ZC3H7A: variants seen among roughly 807,000 people sequenced by gnomAD.
ZC3H7A encodes the protein zinc finger CCCH-type containing 7A.
In ZC3H7A, 44 loss-of-function variants were observed where a neutral mutation model predicts 125.5. The observed-to-expected ratio is 0.35, with a 90% CI of 0.28 to 0.45. ZC3H7A has a LOEUF of 0.45. Among genes scored for constraint, ZC3H7A ranks in the 20% least tolerant of loss-of-function variants. The pLI, the probability that ZC3H7A is intolerant of heterozygous loss-of-function variation, is 1.00. For missense variants in ZC3H7A, 977 were observed against 1,170.7 expected (o/e 0.83, Z 2.41); for synonymous variants, 399 against 391.2 (o/e 1.02, Z -0.23).
chr16:11,785,021 G>T (rs1262111719), intron 1 of ZC3H7A, among the ~76,000 whole-genome samples: 4 of 151,846 alleles, frequency 2.6e-5, no homozygotes, highest in African/African-American at 9.7e-5. Flanking sequence ...AGCCGGGCGT[G>T]GTGGCACATG....
At chr16:11,791,589 C>T (rs768766212) in intron 1 of ZC3H7A, among the ~76,000 whole-genome samples, 5 of 152,164 alleles carry the variant, frequency 3.3e-5, no homozygotes, top group African/African-American at 4.8e-5. Context: ...GTAAGCAGCC[C>T]AGTGTAAAGA....
intron 1 of ZC3H7A, among the ~76,000 whole-genome samples, chr16:11,786,610 G>T (rs955212516): frequency 6.6e-6 from 1 of 152,160 alleles, no homozygotes; most frequent in African/African-American, 2.4e-5. Flanking sequence ...AATGGATACA[G>T]ACGTTTTTAA....
At chr16:11,786,021 T>C (rs948822365) in intron 1 of ZC3H7A, among the ~76,000 whole-genome samples, 2 of 152,342 alleles carry the variant, frequency 1.3e-5, no homozygotes, top group East Asian at 3.9e-4. Context: ...ACAGCAGTAG[T>C]AGAAGACTGA....
At chr16:11,790,003 C>T (rs183663791) in intron 1 of ZC3H7A, among the ~76,000 whole-genome samples, 8 of 148,444 alleles carry the variant, frequency 5.4e-5, no homozygotes, top group East Asian at 4.0e-4. Context: ...ATAGCTAGAA[C>T]CCGGGAGGTG....
chr16:11,791,254 C>G (rs1175437072), intron 1 of ZC3H7A, among the ~76,000 whole-genome samples: 1 of 152,070 alleles, frequency 6.6e-6, no homozygotes, highest in Non-Finnish European at 1.5e-5. Context: ...CTGCCTCCCC[C>G]AGCTTCACAC....
intron 13 of ZC3H7A, among the ~76,000 whole-genome samples, chr16:11,766,872 G>C (rs1056948489): frequency 2.0e-5 from 3 of 152,138 alleles, no homozygotes; most frequent in Non-Finnish European, 4.4e-5. Flanking sequence ...GACAGAATGA[G>C]ACTCTGTCTC....
In ZC3H7A at chr16:11,774,968, G is replaced by A. The variant is rs764236221; in HGVS notation, c.619+12C>T. 1 of 1,614,000 alleles carries A rather than the reference G, an allele frequency of 6.2e-7. No individual in the cohort carries two copies. Among genetic ancestry groups the A allele is most frequent in the South Asian group, 1.1e-5 (1 of 91,074 alleles). On this transcript the variant is annotated intron_variant, in intron 8 of 22. Coordinates refer to ENST00000355758, the MANE Select transcript of ZC3H7A (RefSeq NM_014153.4). ...ACTATTCAAATTGTTAAGATGATAT[G>A]TGAAAACATACCTGGCTCAATATCT...
At chr16:11,767,636 A>G (rs1010475395) in intron 12 of ZC3H7A, 58 bp from the exon 13 acceptor site, 1 of 1,459,724 alleles carries the variant, frequency 6.9e-7, no homozygotes, top group Non-Finnish European at 9.1e-7. Flanking sequence ...TTCATTTTAC[A>G]GGTAAATTTA....
Position 11,765,101 on chromosome 16 carries a change from G to C in ZC3H7A, c.1772C>G (p.Ser591Cys), listed in dbSNP as rs1354592214. ...TGTAACCGGGTGAGAACAAGCAGTA[G>C]AATTATCTTTATTTCTTTTACTTAT... The part of the protein sequence containing the change: ...RMISKRNKDN[S>C]TACSHPVTKH... The change falls in exon 15 of 23, where the codon TCT becomes TGT. Residue 591 changes from serine (S) to cysteine (C), a missense_variant. Transcript: ENST00000355758. This position sits in a 1 kb window ranked among gnomAD's most constrained non-coding sequence, Gnocchi z 4.8. 3.8e-6 allele frequency: 6 copies of C among 1,591,854 alleles called. No individual in the cohort carries two copies. In the African/African-American group the frequency reaches 8.2e-5, roughly 22 times the overall value.
chr16:11,780,577 C>T (rs976864225), intron 3 of ZC3H7A, among the ~76,000 whole-genome samples: 1 of 152,136 alleles, frequency 6.6e-6, no homozygotes, highest in Non-Finnish European at 1.5e-5. Flanking sequence ...TAACAAAACT[C>T]GTGACATGCC....
Position 11,761,910 on chromosome 16 carries a change from G to A in ZC3H7A, c.2213C>T (p.Ser738Leu), listed in dbSNP as rs138595814. 80 of 1,611,556 alleles carry A rather than the reference G, an allele frequency of 5.0e-5. No homozygotes were observed. The highest frequency in any genetic ancestry group is 3.9e-4 in the African/African-American group (29 of 74,818). ...RKYCSAKARHSWTKDRRAMRV... is the reference protein window; with the variant it reads ...RKYCSAKARHLWTKDRRAMRV... ...AATTGTTTCCACACACAATACTTAC[G>A]AATGCCTTGCTTTTGCACTACAATA... Residue 738 changes from serine (S) to leucine (L), a missense_variant and splice_region_variant, in exon 18 of 23, where the codon TCG (serine) becomes TTG (leucine). This residue lies in a region of ZC3H7A where 436 missense variants were observed against 603.2 expected (regional missense o/e 0.72). Transcript: ENST00000355758.
At chr16:11,783,925 A>C (rs1342273809) in intron 1 of ZC3H7A, among the ~76,000 whole-genome samples, 1 of 151,900 alleles carries the variant, frequency 6.6e-6, no homozygotes, top group Non-Finnish European at 1.5e-5. Context: ...AAGTGTTTAC[A>C]TGGGAAAGGA....
chr16:11,775,301 G>A (rs1487578941), intron 7 of ZC3H7A, among the ~76,000 whole-genome samples: 2 of 151,928 alleles, frequency 1.3e-5, no homozygotes, highest in Non-Finnish European at 2.9e-5. Flanking sequence ...AACCCGGGAG[G>A]TGGAGGCTGC....
At chr16:11,760,385 TC>T (rs2052733626) in intron 19 of ZC3H7A, among the ~76,000 whole-genome samples, 1 of 152,048 alleles carries the variant, frequency 6.6e-6, no homozygotes, top group Non-Finnish European at 1.5e-5. Flanking sequence ...TAAACCCCTT[TC>T]CCCCTCCTAC....
chr16:11,796,059 C>T (rs547994212), intron 1 of ZC3H7A, among the ~76,000 whole-genome samples: 2 of 152,290 alleles, frequency 1.3e-5, no homozygotes, highest in Non-Finnish European at 2.9e-5. Context: ...TCTTGAACTC[C>T]TGCACTCAAA....
intron 21 of ZC3H7A, 67 bp downstream of exon 21, chr16:11,756,165 AAAAAG>A (rs750341461): frequency 8.4e-6 from 13 of 1,550,636 alleles, no homozygotes; most frequent in Non-Finnish European, 1.1e-5. Context: ...CCATCTCAAA[AAAAAG>A]AAAAGGGAAA....
chr16:11,768,242 T>G, intron 12 of ZC3H7A, 73 bp downstream of exon 12: 1 of 1,312,978 alleles, frequency 7.6e-7, no homozygotes, highest in Non-Finnish European at 1.0e-6. Context: ...AACATGTATT[T>G]ACAAATTCCT....
At position 11,752,758 on chromosome 16, in the gene ZC3H7A, C is replaced by T. The variant is rs765178357; in HGVS notation, c.2637G>A (p.Glu879=). The change falls in exon 22 of 23, where the codon GAG becomes GAA. Residue 879 remains glutamate, a synonymous_variant. Transcript: ENST00000355758. ...TGTGGAAAACCTTCTCTTTGTGCTT[C>T]TCGGAGGAGATGTGGCCCTGCCACT... ...EKQWQGHISS[E]KHKEKVFHTE... The T allele has an allele frequency of 4.3e-6, 7 of 1,614,056 alleles. No homozygotes were observed. The East Asian group carries it at 1.6e-4, about 36-fold the overall frequency.
chr16:11,769,221 C>G, intron 10 of ZC3H7A, 126 bp from the exon 11 acceptor site: 1 of 792,502 alleles, frequency 1.3e-6, no homozygotes, highest in East Asian at 3.1e-5. Context: ...TAGAAATTTT[C>G]TTGCTCAAGG....
Sources: allele counts gnomAD v4.1 joint callset (sites outside exome capture counted in the v4.1 genomes callset), GRCh38; gene constraint gnomAD v4.1.1; regional missense constraint gnomAD v4.1.1; non-coding constraint Gnocchi (gnomAD v3.1); transcripts MANE v1.5; gene names NCBI Gene and HGNC (gene_info 2026-07-23, HGNC 2026-07-21).